The following PLXND1 variants were observed in gnomAD, a reference collection of about 807,000 sequenced individuals.
The protein encoded by PLXND1 is plexin-D1.
PLXND1 carries 54 observed loss-of-function variants against 197.7 expected under a neutral mutation model. That is an observed-to-expected ratio of 0.27 (90% CI 0.22 to 0.34). PLXND1 has a LOEUF of 0.34. PLXND1 is among the 10% of genes least tolerant of loss of function. The probability of loss-of-function intolerance (pLI) is 1.00; values close to 1 mark genes in which losing one functional copy is unlikely to be tolerated. For missense variants in PLXND1, 2,127 were observed against 2,699.2 expected (o/e 0.79, Z 4.70); for synonymous variants, 1,180 against 1,161.2 (o/e 1.02, Z -0.33).
In PLXND1 at chr3:129,589,427, AG is replaced by A; in HGVS notation, c.1411del (p.Leu471SerfsTer29). On this transcript the variant is annotated frameshift_variant, in exon 2 of 36. Transcript: ENST00000324093. LOFTEE classifies it high-confidence loss of function. ...GACGCTGGCCACGGCCACGGAGGTG[AG>A]GCCCGGGGCGCGGAACACGGGCGTG... The part of the protein sequence containing the change: ...KATPVFRAPG[L>X]TSVAVASVNN... The A allele has an allele frequency of 6.2e-7, 1 of 1,611,098 alleles. No individual in the cohort carries two copies.
chr3:129,589,314 A>ACCCCCACCCCCCCC, intron 2 of PLXND1, 37 bp downstream of exon 2: 1 of 346,844 alleles, frequency 2.9e-6, no homozygotes. Context: ...GGAGCCTCCC[A>ACCCCCACCCCCCCC]CCCCCACCCC....
chr3:129,589,576 C>T (rs1256713754), intron 1 of PLXND1, 49 bp from the exon 2 acceptor site: 3 of 1,473,742 alleles, frequency 2.0e-6, no homozygotes, highest in East Asian at 2.5e-5. Context: ...CCTTCTCCGG[C>T]TCCCCGCCCG....
Position 129,571,717 on chromosome 3 carries a change from G to A in PLXND1, c.3205C>T (p.Pro1069Ser). 1 of 1,613,824 alleles carries A rather than the reference G, an allele frequency of 6.2e-7. No individual in the cohort carries two copies. The highest frequency in any genetic ancestry group is 1.3e-5 in the African/African-American group (1 of 75,052). Reference protein sequence around the residue: ...GNLTFWYMQNPVITAISPRRS... With the variant: ...GNLTFWYMQNSVITAISPRRS... ...CGGGGACTGATGGCCGTGATGACCG[G>A]GTTCTGCATGTACCAGAAGGTGAGG... is the stretch of plus-strand genomic sequence containing the variant. The change falls in exon 16 of 36, where the codon CCG becomes TCG. Residue 1069 changes from proline (P) to serine (S), a missense_variant. Around this residue, in one of 6 missense-constraint regions of PLXND1, gnomAD observed 1,095 missense variants for 1,259.8 expected, o/e 0.87. Coordinates refer to ENST00000324093, the MANE Select transcript of PLXND1 (RefSeq NM_015103.3).
At chr3:129,583,523 G>T in intron 8 of PLXND1, 44 bp downstream of exon 8, 1 of 1,216,974 alleles carries the variant, frequency 8.2e-7, no homozygotes, top group Non-Finnish European at 1.2e-6. Context: ...TTTAAAAAAG[G>T]TAATGAAACA....
rs553202275 is a variant in PLXND1 at position 129,600,490 on chromosome 3, A to C, written c.1311+4839T>G. ...CCACATCCTAGGAGGGAGGCATAAG[A>C]CCTGTTTTATAATGAGAAAGAATGA... On this transcript the variant is annotated intron_variant, in intron 1 of 35. Coordinates refer to ENST00000324093, the MANE Select transcript of PLXND1 (RefSeq NM_015103.3). Among the ~76,000 whole-genome samples the C allele has an allele frequency of 3.3e-5, 5 of 152,062 alleles. No homozygotes were observed. The South Asian group carries it at 1.0e-3, about 32-fold the overall frequency.
At position 129,570,933 on chromosome 3, in the gene PLXND1, C is replaced by T. The variant is rs1364361722; in HGVS notation, c.3603G>A (p.Lys1201=). The T allele has an allele frequency of 6.2e-7, 1 of 1,614,232 alleles. No homozygotes were observed. Among genetic ancestry groups the T allele is most frequent in the Non-Finnish European group, 8.5e-7 (1 of 1,180,028 alleles). The change falls in exon 19 of 36, where the codon AAG becomes AAA. Residue 1201 remains lysine, a splice_region_variant and synonymous_variant. Transcript: ENST00000324093. Reference sequence around the variant, plus strand: ...TCTGGAGCCCCAGGCTGTCCTGCTCCTTCTGTGGGTGCAAAGGGGGAGGAT... The same window carrying T: ...TCTGGAGCCCCAGGCTGTCCTGCTCTTTCTGTGGGTGCAAAGGGGGAGGAT... ...PGEPLTLVIH[K]EQDSLGLQSH...
Position 129,571,861 on chromosome 3 carries a change from G to T in PLXND1, c.3078-17C>A, listed in dbSNP as rs749597526. On this transcript the variant is annotated splice_polypyrimidine_tract_variant and intron_variant, in intron 15 of 35. Transcript: ENST00000324093. ...TCTGTGCGCCTGGGGGGAGCAGCAGGTTATCAGCAGGGCCTGCCTTCTGCT... is the reference window on the plus strand; with the variant it reads ...TCTGTGCGCCTGGGGGGAGCAGCAGTTTATCAGCAGGGCCTGCCTTCTGCT... The T allele has an allele frequency of 3.1e-6, 5 of 1,590,938 alleles. No homozygotes were observed. In the African/African-American group the frequency reaches 6.7e-5, roughly 21 times the overall value.
In PLXND1 at chr3:129,567,617, C is replaced by T. The variant is rs751460874; in HGVS notation, c.3974-13G>A. 13 of 1,601,824 alleles carry T rather than the reference C, an allele frequency of 8.1e-6. No homozygotes were observed. Among genetic ancestry groups the T allele is most frequent in the East Asian group, 2.2e-5 (1 of 44,720 alleles). The stretch of plus-strand genomic sequence containing the variant: ...AGCTCAGCGAAGCCTGGCGGACACA[C>T]GGACAGCCGTGAGCGGCCCGAGAAC... On this transcript the variant is annotated splice_polypyrimidine_tract_variant and intron_variant, in intron 21 of 35. Transcript: ENST00000324093.
At chr3:129,581,735 G>A (rs1435171127) in intron 8 of PLXND1, among the ~76,000 whole-genome samples, 3 of 152,176 alleles carry the variant, frequency 2.0e-5, no homozygotes, top group Admixed American at 6.5e-5. Flanking sequence ...CTCTTGGCTC[G>A]TGATGGCAGG....
chr3:129,563,294 T>A (rs2713624), intron 25 of PLXND1, 54 bp from the exon 26 acceptor site: 3 of 1,485,904 alleles, frequency 2.0e-6, no homozygotes, highest in African/African-American at 2.8e-5. Flanking sequence ...CCAGCCCCCA[T>A]GCTTTGGGCC....
At chr3:129,589,612 T>A in intron 1 of PLXND1, 85 bp from the exon 2 acceptor site, 1 of 1,198,032 alleles carries the variant, frequency 8.3e-7, no homozygotes, top group Non-Finnish European at 1.2e-6. Context: ...TCTCAGGCCC[T>A]GGCATCAGAG....
At position 129,577,799 on chromosome 3, in the gene PLXND1, C is replaced by G. The variant is rs1177790505; in HGVS notation, c.2346+530G>C. Among the ~76,000 whole-genome samples, 1 of 152,196 alleles carries G rather than the reference C, an allele frequency of 6.6e-6. No individual in the cohort carries two copies. Among genetic ancestry groups the G allele is most frequent in the Non-Finnish European group, 1.5e-5 (1 of 68,030 alleles). ...TGGTTGGGGAGTCCAGAGCTAAGCA[C>G]AAGTCCAGCCCTGTGTTGTGTGATC... On this transcript the variant is annotated intron_variant, in intron 9 of 35. Coordinates refer to ENST00000324093, the MANE Select transcript of PLXND1 (RefSeq NM_015103.3). The surrounding 1 kb of genome is among the most constrained non-coding windows in gnomAD (Gnocchi z 5.0).
At chr3:129,604,551 C>T (rs2085756348) in intron 1 of PLXND1, among the ~76,000 whole-genome samples, 1 of 152,224 alleles carries the variant, frequency 6.6e-6, no homozygotes, top group Admixed American at 6.5e-5. Flanking sequence ...CTAGCTGGCA[C>T]TCCACAAGTG....
At chr3:129,585,917 G>A (rs778437684) in intron 5 of PLXND1, 35 bp downstream of exon 5, 35 of 1,612,866 alleles carry the variant, frequency 2.2e-5, no homozygotes, top group African/African-American at 2.7e-5. Context: ...GCTCCCCTGT[G>A]TCCCGAGCTG....
At chr3:129,573,849 C>A in intron 12 of PLXND1, 104 bp from the exon 13 acceptor site, 1 of 1,293,870 alleles carries the variant, frequency 7.7e-7, no homozygotes, top group Non-Finnish European at 1.1e-6. Flanking sequence ...CGTGCAGACC[C>A]ACTGCTTAGA....
rs964411714 is a variant in PLXND1 at position 129,558,686 on chromosome 3, C to G, written c.5298-111G>C. 2 of 1,087,694 alleles carry G rather than the reference C, an allele frequency of 1.8e-6. No homozygotes were observed. Among genetic ancestry groups the G allele is most frequent in the African/African-American group, 3.1e-5 (2 of 64,076 alleles). 67.4% of individuals were successfully genotyped at this position (1,087,694 alleles called of 1,614,324 possible). A position where few individuals can be genotyped will look rare whatever the true frequency, so the allele number is the denominator to read the frequency against. On this transcript the variant is annotated intron_variant, in intron 32 of 35. Coordinates refer to ENST00000324093, the MANE Select transcript of PLXND1 (RefSeq NM_015103.3). The surrounding 1 kb of genome is among the most constrained non-coding windows in gnomAD (Gnocchi z 4.1). Reference sequence around the variant, plus strand: ...GTCCCTCAAGGGCCTGAGGTTGGAGCCTTGTCACAAGATGTGACCTTTGGG... The same window carrying G: ...GTCCCTCAAGGGCCTGAGGTTGGAGGCTTGTCACAAGATGTGACCTTTGGG...
At position 129,605,285 on chromosome 3, in the gene PLXND1, C is replaced by A. The variant is rs759389711; in HGVS notation, c.1311+44G>T. ...TTCCCGCCCGCCCCCGCCCCCGCCC[C>A]CGCCGCCGCCGCCGCCGCCGCCGCC... On this transcript the variant is annotated intron_variant, in intron 1 of 35. Transcript: ENST00000324093. 1,199 of 624,342 alleles carry A rather than the reference C, an allele frequency of 1.9e-3. 8 individuals are homozygous for A. Among genetic ancestry groups the A allele is most frequent in the Admixed American group, 0.01 (160 of 15,318 alleles). The allele number at this position is 624,342 out of a possible 1,614,324, so 38.7% of individuals were successfully genotyped here.
At chr3:129,562,604 C>A (rs2085077993) in intron 27 of PLXND1, 183 bp downstream of exon 27, 1 of 524,746 alleles carries the variant, frequency 1.9e-6, no homozygotes, top group Admixed American at 3.3e-5. Context: ...CCGTAGTTCA[C>A]TCACACTGCA....
At position 129,566,027 on chromosome 3, in the gene PLXND1, C is replaced by G. The variant is rs2085134999; in HGVS notation, c.4192-10G>C. 1.2e-6 allele frequency: 2 copies of G among 1,613,920 alleles called. No homozygotes were observed. The highest frequency in any genetic ancestry group is 2.7e-5 in the African/African-American group (2 of 74,942). On this transcript the variant is annotated splice_polypyrimidine_tract_variant and intron_variant, in intron 23 of 35. Coordinates refer to ENST00000324093, the MANE Select transcript of PLXND1 (RefSeq NM_015103.3). Reference sequence around the variant, plus strand: ...GGCAGCTCTCAGGAATCTGTGGAAGCAACTGGTGATGGGGTGTCCAGAGGG... The same window carrying G: ...GGCAGCTCTCAGGAATCTGTGGAAGGAACTGGTGATGGGGTGTCCAGAGGG...
Sources: allele counts gnomAD v4.1 joint callset (sites outside exome capture counted in the v4.1 genomes callset), GRCh38; gene constraint gnomAD v4.1.1; regional missense constraint gnomAD v4.1.1; non-coding constraint Gnocchi (gnomAD v3.1); transcripts MANE v1.5; gene names NCBI Gene and HGNC (gene_info 2026-07-23, HGNC 2026-07-21).